The following TET1 variants were observed in gnomAD, a reference collection of about 807,000 sequenced individuals.
TET1 encodes the protein tet methylcytosine dioxygenase 1.
In TET1, 13 loss-of-function variants were observed where a neutral mutation model predicts 148.7. The observed-to-expected ratio is 0.09, with a 90% confidence interval of 0.06 to 0.14. The LOEUF is 0.14. TET1 is among the 10% of genes least tolerant of loss of function. The pLI, the probability that TET1 is intolerant of heterozygous loss-of-function variation, is 1.00. For synonymous variants in TET1, 907 were observed against 937.2 expected (o/e 0.97, Z 0.59); for missense variants, 2,182 against 2,553.8 (o/e 0.85, Z 3.14).
intron 7 of TET1, among the ~76,000 whole-genome samples, chr10:68,669,474 C>CTTTTTTTTTTTTTTTTTTT (rs3085667): frequency 9.7e-5 from 6 of 61,610 alleles, no homozygotes; most frequent in South Asian, 1.1e-3. Flanking sequence ...CCATGCCCAG[C>CTTTTTTTTTTTTTTTTTTT]TTTTTTTTTT....
Position 68,649,707 on chromosome 10 carries a change from C to T in TET1, c.4277-2139C>T, listed in dbSNP as rs552831991. Among the ~76,000 whole-genome samples the T allele has an allele frequency of 3.3e-5, 5 of 151,912 alleles. No individual in the cohort carries two copies. In the South Asian group the frequency reaches 8.3e-4, roughly 25 times the overall value. On this transcript the variant is annotated intron_variant, in intron 4 of 11. Transcript: ENST00000373644. The stretch of plus-strand genomic sequence containing the variant: ...AACACGTGCCTTTAAAGTTTATATA[C>T]CTGAGCTAGACTACTTTTTCTATGT...
chr10:68,647,777 T>C (rs546148089), intron 4 of TET1, among the ~76,000 whole-genome samples: 27 of 152,198 alleles, frequency 1.8e-4, no homozygotes, highest in Non-Finnish European at 3.8e-4. Flanking sequence ...AAGAAATATA[T>C]AGCTGGCAGT....
intron 3 of TET1, among the ~76,000 whole-genome samples, chr10:68,610,354 G>A (rs890525329): frequency 2.0e-5 from 3 of 151,704 alleles, no homozygotes; most frequent in Non-Finnish European, 2.9e-5. Context: ...TGAGGCCGAG[G>A]CGGTGGATCA....
Position 68,691,690 on chromosome 10 carries a change from C to A in TET1, c.6287C>A (p.Ser2096Tyr). Residue 2096 changes from serine (S) to tyrosine (Y), a missense_variant, in exon 12 of 12, where the codon TCT becomes TAT. Physicochemically the swap from Ser to Tyr is moderately radical, Grantham distance 144. Around this residue, in one of 11 missense-constraint regions of TET1, gnomAD observed 54 missense variants for 44.4 expected, o/e 1.22. Coordinates refer to ENST00000373644, the MANE Select transcript of TET1 (RefSeq NM_030625.3). The surrounding 1 kb of genome is among the most constrained non-coding windows in gnomAD (Gnocchi z 4.4). ...GCTAATGAAGGTCCAGAACAGTCCT[C>A]TGAAGTAAATGAATTGAACCAAATT... ...QAANEGPEQS[S>Y]EVNELNQIPS... The A allele has an allele frequency of 6.2e-7, 1 of 1,614,200 alleles. No homozygotes were observed. Among genetic ancestry groups the A allele is most frequent in the Non-Finnish European group, 8.5e-7 (1 of 1,180,038 alleles).
intron 2 of TET1, among the ~76,000 whole-genome samples, chr10:68,588,229 C>G (rs1283473696): frequency 1.3e-5 from 2 of 152,076 alleles, no homozygotes; most frequent in Non-Finnish European, 2.9e-5. Context: ...GCAATCTGCC[C>G]GCTGCAGACT....
chr10:68,600,915 T>A lies in TET1; in HGVS notation c.1915-66T>A. 13 of 1,434,790 alleles carry A rather than the reference T, an allele frequency of 9.1e-6. 1 individual carries two copies. Among genetic ancestry groups the A allele is most frequent in the Non-Finnish European group, 1.2e-5 (12 of 1,036,914 alleles). 88.9% of individuals were successfully genotyped at this position (1,434,790 alleles called of 1,614,324 possible). On this transcript the variant is annotated intron_variant, in intron 2 of 11. Transcript: ENST00000373644. ...TTTTACAGAGAAATAGCCAAAAATT[T>A]TGGGGATGTGGGAGCTAATTTTATT...
chr10:68,658,619 A>C (rs1316569748), intron 6 of TET1, among the ~76,000 whole-genome samples: 1 of 152,208 alleles, frequency 6.6e-6, no homozygotes, highest in Admixed American at 6.5e-5. Flanking sequence ...CCAGGTGGTC[A>C]TTAAAACTCT....
At chr10:68,660,477 T>C (rs532110682) in intron 6 of TET1, among the ~76,000 whole-genome samples, 3 of 151,538 alleles carry the variant, frequency 2.0e-5, no homozygotes, top group African/African-American at 7.3e-5. Context: ...GTACCTGGGA[T>C]TACAGGTGTC....
chr10:68,644,628 A>C (rs2054811508), intron 3 of TET1, 70 bp from the exon 4 acceptor site: 1 of 1,431,446 alleles, frequency 7.0e-7, no homozygotes, highest in Non-Finnish European at 9.3e-7. Flanking sequence ...GTTGTTATTA[A>C]ATTTTAATCT....
In TET1 at chr10:68,651,552, GA is replaced by G. The variant is rs1348289217; in HGVS notation, c.4277-293del. On this transcript the variant is annotated intron_variant, in intron 4 of 11. Coordinates refer to ENST00000373644, the MANE Select transcript of TET1 (RefSeq NM_030625.3). ...TTAGTATTACACCTCAATTAATACA[GA>G]TTTTTTTTTTAAGCAGGAGATAGGA... 3.3e-5 allele frequency among the ~76,000 whole-genome samples: 5 copies of G among 149,322 alleles called. No homozygotes were observed. The South Asian group carries it at 6.5e-4, about 20-fold the overall frequency.
intron 2 of TET1, among the ~76,000 whole-genome samples, chr10:68,581,177 G>C (rs1373756894): frequency 2.0e-5 from 3 of 152,092 alleles, no homozygotes; most frequent in African/African-American, 7.2e-5. Flanking sequence ...ATGACAGTGT[G>C]TTATGTAATC....
intron 3 of TET1, among the ~76,000 whole-genome samples, chr10:68,631,003 C>T (rs2054561080): frequency 6.6e-6 from 1 of 151,838 alleles, no homozygotes; most frequent in South Asian, 2.1e-4. Flanking sequence ...ATAATGAGAC[C>T]TTGTCTCTAC....
At chr10:68,607,426 T>TTTTG (rs1564964687) in intron 3 of TET1, among the ~76,000 whole-genome samples, 1 of 151,986 alleles carries the variant, frequency 6.6e-6, no homozygotes, top group Non-Finnish European at 1.5e-5. Context: ...TTTTTGTTTT[T>TTTTG]TTTGTTTGTT....
At chr10:68,677,615 C>G (rs1157641020) in intron 8 of TET1, among the ~76,000 whole-genome samples, 2 of 152,158 alleles carry the variant, frequency 1.3e-5, no homozygotes, top group African/African-American at 2.4e-5. Flanking sequence ...TTTCTCAACT[C>G]CAAAGCTGGG....
rs565223940 is a variant in TET1, at chr10:68,627,564, C to T, written c.1969-17134C>T. Among the ~76,000 whole-genome samples the T allele has an allele frequency of 7.7e-4, 117 of 151,974 alleles. 1 individual carries two copies. Among genetic ancestry groups the T allele is most frequent in the Non-Finnish European group, 1.4e-3 (97 of 67,992 alleles). ...TGAGCCGAGATCGTGCTACTGCACT[C>T]CGGTCTGGGTGACAGAGCGAGACTC... On this transcript the variant is annotated intron_variant, in intron 3 of 11. Transcript: ENST00000373644.
intron 3 of TET1, among the ~76,000 whole-genome samples, chr10:68,637,481 A>G (rs1405904796): frequency 6.9e-6 from 1 of 144,480 alleles, no homozygotes; most frequent in African/African-American, 2.6e-5. Flanking sequence ...ATTTCTCCTT[A>G]GGTGAATCTT....
At chr10:68,602,377 A>G (rs2054068421) in intron 3 of TET1, among the ~76,000 whole-genome samples, 1 of 152,202 alleles carries the variant, frequency 6.6e-6, no homozygotes, top group African/African-American at 2.4e-5. Context: ...TGTGTTGGCT[A>G]TATCCATCTC....
At chr10:68,681,967 C>CAAAA (rs71019060) in intron 9 of TET1, among the ~76,000 whole-genome samples, 70 of 134,680 alleles carry the variant, frequency 5.2e-4, no homozygotes, top group African/African-American at 1.8e-3. Context: ...GACTCTGTCT[C>CAAAA]AAAAAAAAAA....
chr10:68,631,433 C>CTTTTT (rs546257824), intron 3 of TET1, among the ~76,000 whole-genome samples: 66 of 110,524 alleles, frequency 6.0e-4, no homozygotes, highest in South Asian at 9.5e-4. Flanking sequence ...TTTCTTTCTT[C>CTTTTT]TTTTTTTTTT....
Sources: allele counts gnomAD v4.1 joint callset (sites outside exome capture counted in the v4.1 genomes callset), GRCh38; gene constraint gnomAD v4.1.1; regional missense constraint gnomAD v4.1.1; non-coding constraint Gnocchi (gnomAD v3.1); transcripts MANE v1.5; gene names NCBI Gene and HGNC (gene_info 2026-07-23, HGNC 2026-07-21).